The following SLC40A1 variants were observed in gnomAD, a reference collection of about 807,000 sequenced individuals.
The protein encoded by SLC40A1 is solute carrier family 40 member 1, also known as ferroportin.
SLC40A1 carries 16 observed loss-of-function variants against 53.5 expected under a neutral mutation model. The ratio of observed to expected loss-of-function variants is 0.30; its 90% confidence interval spans 0.20 to 0.45. The LOEUF is 0.45. Among genes scored for constraint, SLC40A1 ranks in the 20% least tolerant of loss-of-function variants. SLC40A1 has a pLI of 1.00. For synonymous variants in SLC40A1, 247 were observed against 253.2 expected (o/e 0.98, Z 0.23); for missense variants, 545 against 695.4 (o/e 0.78, Z 2.43).
At chr2:189,575,132 A>C (rs747909312) in intron 3 of SLC40A1, 29 bp downstream of exon 3, 2 of 1,613,376 alleles carry the variant, frequency 1.2e-6, no homozygotes, top group Admixed American at 3.3e-5. Flanking sequence ...CCCATGAATA[A>C]AAGGGCTTAA....
intron 3 of SLC40A1, 23 bp downstream of exon 3, chr2:189,575,138 C>G (rs2031248802): frequency 1.2e-6 from 2 of 1,613,618 alleles, no homozygotes; most frequent in African/African-American, 2.7e-5. Context: ...AATAAAAGGG[C>G]TTAATTATAT....
At chr2:189,562,300 G>T in intron 7 of SLC40A1, 109 bp from the exon 8 acceptor site, 1 of 813,944 alleles carries the variant, frequency 1.2e-6, no homozygotes. Flanking sequence ...TAGCCTGACT[G>T]TCTTTAAGTC....
At position 189,561,686 on chromosome 2, in the gene SLC40A1, A is replaced by G. The variant is rs1296015936; in HGVS notation, c.*192T>C. 1 of 582,078 alleles carries G rather than the reference A, an allele frequency of 1.7e-6. No homozygotes were observed. Among genetic ancestry groups the G allele is most frequent in the Admixed American group, 3.1e-5 (1 of 32,160 alleles). 36.1% of individuals were successfully genotyped at this position (582,078 alleles called of 1,614,324 possible). ...GTTTTTCTTTTCCAATTTTTTTTCC[A>G]TGCCTCAACATAAGGGAAATTAATC... On this transcript the variant is annotated 3_prime_UTR_variant, in exon 8 of 8. Transcript: ENST00000261024.
At chr2:189,568,794 AATTT>A (rs1312851294) in intron 5 of SLC40A1, among the ~76,000 whole-genome samples, 2 of 152,192 alleles carry the variant, frequency 1.3e-5, no homozygotes, top group Non-Finnish European at 2.9e-5. Context: ...ACGAACACAA[AATTT>A]ATCTGCCATA....
chr2:189,563,657 C>T lies in SLC40A1; in HGVS notation c.1329G>A (p.Pro443=), dbSNP rs377650149. ...SNGSNSANIV[P]ETSPESVPII... ...TGGGCACAGATTCAGGACTTGTCTC[C>T]GGGACAATATTAGCAGAATTAGACC... Residue 443 remains proline, a synonymous_variant, in exon 7 of 8, where the codon CCG becomes CCA. Transcript: ENST00000261024. 13 of 1,614,054 alleles carry T rather than the reference C, an allele frequency of 8.1e-6. No homozygotes were observed. Among genetic ancestry groups the T allele is most frequent in the African/African-American group, 5.3e-5 (4 of 75,012 alleles).
intron 7 of SLC40A1, 110 bp downstream of exon 7, chr2:189,563,474 G>T: frequency 1.1e-6 from 1 of 935,880 alleles, no homozygotes. Context: ...AGTGGATTTT[G>T]CTTAAATTAA....
At chr2:189,580,168 GT>G (rs2031411461) in intron 1 of SLC40A1, among the ~76,000 whole-genome samples, 1 of 142,556 alleles carries the variant, frequency 7.0e-6, no homozygotes, top group African/African-American at 2.5e-5. Flanking sequence ...TGGTTTGTTT[GT>G]TTTGTTTCTT....
chr2:189,575,135 G>A, intron 3 of SLC40A1, 26 bp downstream of exon 3: 2 of 1,613,360 alleles, frequency 1.2e-6, no homozygotes, highest in East Asian at 2.2e-5. Context: ...ATGAATAAAA[G>A]GGCTTAATTA....
chr2:189,572,106 A>C (rs1476508353), intron 4 of SLC40A1, among the ~76,000 whole-genome samples: 1 of 152,202 alleles, frequency 6.6e-6, no homozygotes, highest in East Asian at 1.9e-4. Context: ...ATACAGTTAT[A>C]AAATGTTAAC....
Position 189,560,737 on chromosome 2 carries a change from A to T in SLC40A1, c.*1141T>A, listed in dbSNP as rs917098709. On this transcript the variant is annotated 3_prime_UTR_variant, in exon 8 of 8. Transcript: ENST00000261024. ...CTCATAGCAACGTATTGCAGTCTCC[A>T]TGAAAGTGCATATAAACGGTTAAGG... The T allele has an allele frequency of 5.9e-5, 9 of 152,666 alleles. No individual in the cohort carries two copies. Among genetic ancestry groups the T allele is most frequent in the Non-Finnish European group, 1.3e-4 (9 of 68,036 alleles). The allele number at this position is 152,666 out of a possible 1,614,324, so 9.5% of individuals were successfully genotyped here. A position where few individuals can be genotyped will look rare whatever the true frequency, so the allele number is the denominator to read the frequency against.
In SLC40A1 at chr2:189,564,141, G is replaced by A; in HGVS notation, c.845C>T (p.Pro282Leu). Reference protein sequence around the residue: ...NIHELEHEQEPTCASQMAEPF... With the variant: ...NIHELEHEQELTCASQMAEPF... ...CTCAGCCATCTGGGAGGCACAAGTA[G>A]GCTCTTGCTCATGTTCAAGCTCATG... Residue 282 changes from proline (P) to leucine (L), a missense_variant, in exon 7 of 8, where the codon CCT becomes CTT. Physicochemically the swap from Pro to Leu is moderately conservative, Grantham distance 98 (BLOSUM62 -3). This residue lies in a region of SLC40A1 where 107 missense variants were observed against 91.0 expected (regional missense o/e 1.18). Coordinates refer to ENST00000261024, the MANE Select transcript of SLC40A1 (RefSeq NM_014585.6). 1 of 1,612,406 alleles carries A rather than the reference G, an allele frequency of 6.2e-7. No individual in the cohort carries two copies. The highest frequency in any genetic ancestry group is 8.5e-7 in the Non-Finnish European group (1 of 1,179,448).
Position 189,571,445 on chromosome 2 carries a change from T to TA in SLC40A1, c.514+269dup, listed in dbSNP as rs60804551. Among the ~76,000 whole-genome samples the TA allele has an allele frequency of 2.8e-3, 419 of 147,048 alleles. 2 individuals carry two copies. Among genetic ancestry groups the TA allele is most frequent in the African/African-American group, 9.7e-3 (386 of 39,730 alleles). ...TTAGAAAGTTGATTGAATTTTTTTT[T>TA]AAAAAAAAAAAAGAGGAAAGAAAAG... On this transcript the variant is annotated intron_variant, in intron 5 of 7. Coordinates refer to ENST00000261024, the MANE Select transcript of SLC40A1 (RefSeq NM_014585.6).
chr2:189,577,506 C>T (rs1299929247), intron 2 of SLC40A1, among the ~76,000 whole-genome samples: 2 of 152,046 alleles, frequency 1.3e-5, no homozygotes, highest in Non-Finnish European at 1.5e-5. Flanking sequence ...CAGATATAAG[C>T]AACTGGCCCC....
Position 189,565,503 on chromosome 2 carries a change from C to A in SLC40A1, c.611G>T (p.Gly204Val), listed in dbSNP as rs1205429003. 2 of 1,614,228 alleles carry A rather than the reference C, an allele frequency of 1.2e-6. No homozygotes were observed. The highest frequency in any genetic ancestry group is 2.2e-5 in the East Asian group (1 of 44,886). ...GTTCCATCCCGAAATAAAGCCACAGCCGATGACTGGGGAGCCAAATGTCAT... is the reference window on the plus strand; with the variant it reads ...GTTCCATCCCGAAATAAAGCCACAGACGATGACTGGGGAGCCAAATGTCAT... ...QIMTFGSPVI[G>V]CGFISGWNLV... Residue 204 changes from glycine to valine, a missense_variant, in exon 6 of 8, where the codon GGC becomes GTC. By Grantham distance (109) the Gly-to-Val change is moderately radical. Coordinates refer to ENST00000261024, the MANE Select transcript of SLC40A1 (RefSeq NM_014585.6).
chr2:189,579,991 T>A, intron 1 of SLC40A1, 111 bp from the exon 2 acceptor site: 1 of 1,088,208 alleles, frequency 9.2e-7, no homozygotes, highest in Non-Finnish European at 1.4e-6. Flanking sequence ...AAAACTACTT[T>A]GCAGGACAAA....
intron 2 of SLC40A1, chr2:189,578,392 G>A (rs987147892): frequency 1.0e-6 from 1 of 1,001,632 alleles, no homozygotes; most frequent in Non-Finnish European, 1.2e-6. Context: ...CTTTCTTGTG[G>A]GACTTTTAAT....
intron 6 of SLC40A1, among the ~76,000 whole-genome samples, chr2:189,564,448 CT>C (rs1364899194): frequency 3.3e-5 from 5 of 150,800 alleles, no homozygotes; most frequent in African/African-American, 9.7e-5. Context: ...ATCTATCCCT[CT>C]TTTTTTTCTC....
chr2:189,580,675 C>T lies in SLC40A1; in HGVS notation c.-215G>A. On this transcript the variant is annotated 5_prime_UTR_variant, in exon 1 of 8. It adds an upstream start codon to the 5' untranslated region. Coordinates refer to ENST00000261024, the MANE Select transcript of SLC40A1 (RefSeq NM_014585.6). ...TCCTTCTTTCCAAACTTAGCTAACA[C>T]TGTAGCTGAAGTTGGAAAGGCAAAG... The T allele has an allele frequency of 6.7e-7, 1 of 1,494,186 alleles. No individual in the cohort carries two copies. The highest frequency in any genetic ancestry group is 8.9e-7 in the Non-Finnish European group (1 of 1,126,386). The allele number at this position is 1,494,186 out of a possible 1,614,324, so 92.6% of individuals were successfully genotyped here.
At chr2:189,580,392 A>G (rs1203515122) in intron 1 of SLC40A1, 26 bp downstream of exon 1, 2 of 1,612,946 alleles carry the variant, frequency 1.2e-6, no homozygotes, top group African/African-American at 1.3e-5. Flanking sequence ...GGTTTCCACC[A>G]TATGCTTTCG....
Sources: allele counts gnomAD v4.1 joint callset (sites outside exome capture counted in the v4.1 genomes callset), GRCh38; gene constraint gnomAD v4.1.1; regional missense constraint gnomAD v4.1.1; transcripts MANE v1.5; gene names NCBI Gene and HGNC (gene_info 2026-07-23, HGNC 2026-07-21).